The following MAGI2 variants were observed in gnomAD, a reference collection of about 807,000 sequenced individuals.
MAGI2 encodes the protein membrane associated guanylate kinase, WW and PDZ domain containing 2, also known as membrane-associated guanylate kinase, WW and PDZ domain-containing protein 2.
Under a neutral mutation model 133.3 loss-of-function variants are expected in MAGI2, and 35 were observed. The observed-to-expected ratio is 0.26, with a 90% CI of 0.20 to 0.35. The LOEUF (loss-of-function observed/expected upper bound fraction) is 0.35, where lower values mean the gene tolerates loss of function less well. Ranked by LOEUF, MAGI2 falls within the 10% of genes least tolerant of loss-of-function variation. The pLI, the probability that MAGI2 is intolerant of heterozygous loss-of-function variation, is 1.00. For missense variants in MAGI2, 1,636 were observed against 1,863.4 expected (o/e 0.88, Z 2.25); for synonymous variants, 729 against 710.6 (o/e 1.03, Z -0.41).
intron 2 of MAGI2, among the ~76,000 whole-genome samples, chr7:78,732,001 A>G (rs1342297366): frequency 6.6e-6 from 1 of 152,176 alleles, no homozygotes; most frequent in Non-Finnish European, 1.5e-5. Flanking sequence ...GATATTTTGT[A>G]TTGCTGAATT....
intron 9 of MAGI2, among the ~76,000 whole-genome samples, chr7:78,273,410 T>A (rs1794768566): frequency 1.3e-5 from 2 of 152,116 alleles, no homozygotes; most frequent in Non-Finnish European, 2.9e-5. Flanking sequence ...GACAATTATG[T>A]GTGTTGGGGT....
intron 2 of MAGI2, among the ~76,000 whole-genome samples, chr7:78,817,384 C>T (rs1022455100): frequency 6.6e-6 from 1 of 152,260 alleles, no homozygotes; most frequent in South Asian, 2.1e-4. Flanking sequence ...ACTTCAGTTT[C>T]GAAAGAAGTT....
chr7:78,139,834 T>C (rs1364737298), intron 16 of MAGI2, among the ~76,000 whole-genome samples: 7 of 152,266 alleles, frequency 4.6e-5, no homozygotes, highest in Admixed American at 6.5e-5. Context: ...AGCTTTTCTA[T>C]GTCTTTATTC....
chr7:78,517,213 G>C (rs1246888209), intron 4 of MAGI2, among the ~76,000 whole-genome samples: 2 of 136,024 alleles, frequency 1.5e-5, no homozygotes, highest in Admixed American at 1.4e-4. Flanking sequence ...TTTAAACATC[G>C]GTTCAAAAAC....
chr7:78,093,486 C>T (rs1183922138), intron 20 of MAGI2, among the ~76,000 whole-genome samples: 3 of 151,762 alleles, frequency 2.0e-5, no homozygotes, highest in Non-Finnish European at 2.9e-5. Flanking sequence ...GCAAAGACCA[C>T]AATTACTTTT....
intron 2 of MAGI2, among the ~76,000 whole-genome samples, chr7:78,981,798 C>G (rs1804810831): frequency 6.6e-6 from 1 of 151,902 alleles, no homozygotes; most frequent in African/African-American, 2.4e-5. Context: ...GGGATTTCTG[C>G]ATTACGTAGA....
intron 1 of MAGI2, among the ~76,000 whole-genome samples, chr7:79,292,563 A>G (rs1836573019): frequency 6.6e-6 from 1 of 151,808 alleles, no homozygotes; most frequent in African/African-American, 2.4e-5. Flanking sequence ...AACCTGAGAA[A>G]CAGAGGTTGC....
At chr7:78,029,257 T>TA (rs1420896180) in intron 21 of MAGI2, among the ~76,000 whole-genome samples, 1 of 152,280 alleles carries the variant, frequency 6.6e-6, no homozygotes, top group South Asian at 2.1e-4. Flanking sequence ...TCCAAGATTT[T>TA]AAAAAATCCC....
intron 1 of MAGI2, among the ~76,000 whole-genome samples, chr7:79,299,064 A>T (rs1056174310): frequency 1.6e-4 from 24 of 152,164 alleles, no homozygotes; most frequent in Admixed American, 2.6e-4. Flanking sequence ...TTTTAATTTT[A>T]AAAAACTGAA....
At chr7:78,667,961 G>A (rs898436470) in intron 2 of MAGI2, among the ~76,000 whole-genome samples, 29 of 152,184 alleles carry the variant, frequency 1.9e-4, no homozygotes, top group African/African-American at 5.3e-4. Context: ...CTGAGGAATC[G>A]CTACACTGAC....
chr7:78,482,429 T>C (rs180746295), intron 6 of MAGI2, among the ~76,000 whole-genome samples: 1 of 152,038 alleles, frequency 6.6e-6, no homozygotes, highest in Non-Finnish European at 1.5e-5. Flanking sequence ...TATGTTCACA[T>C]AAAAACCTGT....
intron 4 of MAGI2, among the ~76,000 whole-genome samples, chr7:78,505,470 A>C (rs987144451): frequency 5.3e-5 from 8 of 152,192 alleles, no homozygotes; most frequent in Non-Finnish European, 8.8e-5. Flanking sequence ...TGCTAACTTC[A>C]GAGTCTCTTT....
At chr7:79,296,501 T>A (rs895159926) in intron 1 of MAGI2, among the ~76,000 whole-genome samples, 12 of 152,104 alleles carry the variant, frequency 7.9e-5, no homozygotes, top group Non-Finnish European at 1.5e-4. Context: ...CACTCCTCAG[T>A]CATAAAACAG....
At chr7:78,697,018 A>G (rs1817589059) in intron 2 of MAGI2, among the ~76,000 whole-genome samples, 1 of 152,214 alleles carries the variant, frequency 6.6e-6, no homozygotes, top group African/African-American at 2.4e-5. Context: ...CACAACTACA[A>G]CATGTGCTAT....
Position 79,104,251 on chromosome 7 carries a change from A to G in MAGI2, c.302-97045T>C, listed in dbSNP as rs368056831. 1.4e-3 allele frequency among the ~76,000 whole-genome samples: 216 copies of G among 152,308 alleles called. 2 individuals carry two copies. The highest frequency in any genetic ancestry group is 7.7e-3 in the South Asian group (37 of 4,834). The stretch of plus-strand genomic sequence containing the variant: ...GAGCATCAGCCACTGTTCTAGAATT[A>G]TGTGCTAACATTCTGGGGTCTGTGG... On this transcript the variant is annotated intron_variant, in intron 1 of 21. Coordinates refer to ENST00000354212, the MANE Select transcript of MAGI2 (RefSeq NM_012301.4).
chr7:78,588,351 TTAATA>T (rs964505122), intron 3 of MAGI2, among the ~76,000 whole-genome samples: 6 of 152,232 alleles, frequency 3.9e-5, no homozygotes, highest in Non-Finnish European at 5.9e-5. Flanking sequence ...AGGAGACAAT[TTAATA>T]TAATTAATAA....
Position 78,533,892 on chromosome 7 carries a change from G to C in MAGI2, c.539-12247C>G, listed in dbSNP as rs963785381. Among the ~76,000 whole-genome samples the C allele has an allele frequency of 3.3e-5, 5 of 152,250 alleles. No homozygotes were observed. In the East Asian group the frequency reaches 9.7e-4, roughly 29 times the overall value. On this transcript the variant is annotated intron_variant, in intron 3 of 21. Transcript: ENST00000354212. ...CAAGGATCCAGGACAATAGACATTT[G>C]ATAGGCAAGAAACTCAATCAGAAAG...
At chr7:78,728,369 G>C (rs11762589) in intron 2 of MAGI2, among the ~76,000 whole-genome samples, 14,606 of 151,834 alleles carry the variant, frequency 0.096, 824 homozygotes, top group East Asian at 0.23. Flanking sequence ...TGCTATACCC[G>C]CATGAATTAG....
rs184734783 is a variant in MAGI2 at position 79,299,138 on chromosome 7, C to T, written c.301+153882G>A. Among the ~76,000 whole-genome samples the T allele has an allele frequency of 4.4e-3, 672 of 152,114 alleles. 5 individuals are homozygous for T. Among genetic ancestry groups the T allele is most frequent in the Non-Finnish European group, 7.5e-3 (513 of 68,012 alleles). ...AATGTGATGGGTTTTATAATAGATG[C>T]ATGCTCAGAATTGTGAGCATGGTGG... On this transcript the variant is annotated intron_variant, in intron 1 of 21. Transcript: ENST00000354212.
Sources: gnomAD v4.1 joint callset for allele counts (sites outside exome capture counted in the v4.1 genomes callset) on GRCh38, gnomAD v4.1.1 for gene constraint, MANE v1.5 for transcripts, NCBI Gene and HGNC (gene_info 2026-07-23, HGNC 2026-07-21) for gene names.